The following DENND2A variants were observed in gnomAD, a reference collection of about 807,000 sequenced individuals.
DENND2A encodes the protein DENN domain-containing protein 2A.
A neutral mutation model predicts 105.3 loss-of-function variants in DENND2A; 53 were observed. That is an observed-to-expected ratio of 0.50 (90% confidence interval 0.40 to 0.63). The LOEUF is 0.63. Ranked by LOEUF, DENND2A falls within the 30% of genes least tolerant of loss-of-function variation. The probability of loss-of-function intolerance (pLI) is 0.00; values close to 1 mark genes in which losing one functional copy is unlikely to be tolerated. For synonymous variants in DENND2A, 522 were observed against 508.4 expected, an observed-to-expected ratio of 1.03 and a Z score of -0.36; for missense variants, 1,138 against 1,279.6, an observed-to-expected ratio of 0.89 and a Z score of 1.69.
Position 140,559,524 on chromosome 7 carries a change from G to A in DENND2A, c.1889+184C>T, listed in dbSNP as rs1191681810. Among the ~76,000 whole-genome samples the A allele has an allele frequency of 6.6e-6, 1 of 152,166 alleles. No individual in the cohort carries two copies. The highest frequency in any genetic ancestry group is 1.5e-5 in the Non-Finnish European group (1 of 68,030). On this transcript the variant is annotated intron_variant, in intron 10 of 19. Coordinates refer to ENST00000496613, the MANE Select transcript of DENND2A (RefSeq NM_015689.5). The surrounding 1 kb of genome is among the most constrained non-coding windows in gnomAD (Gnocchi z 4.1). ...ATTGAGTGGGAAGCCCGGGAGGTCT[G>A]CATGCTGGGCAGGTGACTTCACCTT...
In DENND2A at chr7:140,559,283, T is replaced by A. The variant is rs1003377408; in HGVS notation, c.1889+425A>T. ...CTTAAAGACAGGACCCGCAGCCTACTGAGTTTGGCCAAATGCGGAAACATC... is the reference window on the plus strand; with the variant it reads ...CTTAAAGACAGGACCCGCAGCCTACAGAGTTTGGCCAAATGCGGAAACATC... On this transcript the variant is annotated intron_variant, in intron 10 of 19. Transcript: ENST00000496613. This position sits in a 1 kb window ranked among gnomAD's most constrained non-coding sequence, Gnocchi z 4.1. 6.6e-6 allele frequency among the ~76,000 whole-genome samples: 1 copy of A among 152,206 alleles called. No individual in the cohort carries two copies. Among genetic ancestry groups the A allele is most frequent in the Non-Finnish European group, 1.5e-5 (1 of 68,034 alleles).
At chr7:140,567,042 G>A in intron 9 of DENND2A, 44 bp downstream of exon 9, 1 of 1,511,690 alleles carries the variant, frequency 6.6e-7, no homozygotes, top group Non-Finnish European at 8.9e-7. Context: ...ACAAGGTGAT[G>A]GTTAGAACCC....
At chr7:140,574,611 G>A (rs1476905023) in intron 5 of DENND2A, among the ~76,000 whole-genome samples, 1 of 152,210 alleles carries the variant, frequency 6.6e-6, no homozygotes. Flanking sequence ...ACATGGACTA[G>A]GGGTTACAAG....
intron 14 of DENND2A, among the ~76,000 whole-genome samples, chr7:140,543,317 A>G (rs933122762): frequency 2.3e-5 from 3 of 132,702 alleles, no homozygotes; most frequent in African/African-American, 8.6e-5. Flanking sequence ...CGTTTTTTGT[A>G]GAGATGGGGG....
intron 12 of DENND2A, 99 bp downstream of exon 12, chr7:140,555,537 T>C (rs1797324966): frequency 1.0e-6 from 1 of 981,050 alleles, no homozygotes; most frequent in Non-Finnish European, 1.6e-6. Context: ...AGGTAGAGAA[T>C]AAGATGATAG....
chr7:140,591,579 T>C (rs1244288277), intron 3 of DENND2A, among the ~76,000 whole-genome samples: 1 of 152,196 alleles, frequency 6.6e-6, no homozygotes, highest in African/African-American at 2.4e-5. Context: ...ATCATTGTCA[T>C]GTGTTGGTAA....
intron 3 of DENND2A, among the ~76,000 whole-genome samples, chr7:140,592,025 T>C (rs1299653470): frequency 1.1e-5 from 1 of 87,986 alleles, no homozygotes; most frequent in Admixed American, 1.4e-4. Context: ...TCCCCTCCCC[T>C]CCCCTTCTTT....
chr7:140,610,295 A>G (rs889148611), intron 1 of DENND2A, among the ~76,000 whole-genome samples: 4 of 151,562 alleles, frequency 2.6e-5, no homozygotes, highest in Admixed American at 6.6e-5. Context: ...TTAAGGAAAA[A>G]AAAAAAAAAA....
intron 3 of DENND2A, among the ~76,000 whole-genome samples, chr7:140,590,233 T>A (rs1798958640): frequency 6.6e-6 from 1 of 151,818 alleles, no homozygotes; most frequent in Non-Finnish European, 1.5e-5. Flanking sequence ...CTACTGAAAA[T>A]ACAAAAATTA....
chr7:140,626,921 C>A (rs1446923302), intron 1 of DENND2A, among the ~76,000 whole-genome samples: 1 of 152,162 alleles, frequency 6.6e-6, no homozygotes, highest in African/African-American at 2.4e-5. Context: ...ATCAGACAGA[C>A]CCAGGTTTAA....
intron 1 of DENND2A, among the ~76,000 whole-genome samples, chr7:140,639,368 AAAAC>A (rs1801090468): frequency 6.6e-6 from 1 of 150,592 alleles, no homozygotes; most frequent in East Asian, 2.0e-4. Context: ...ATAAAAATAA[AAAAC>A]AAACGAAAGG....
In DENND2A at chr7:140,522,119, G is replaced by A. The variant is rs1037583744; in HGVS notation, c.2666-19C>T. ...TCTGGACCTGAGTAAGGGGAGGAAAGGCCAGGAACGGTGAGGGCAGACAGG... is the reference window on the plus strand; with the variant it reads ...TCTGGACCTGAGTAAGGGGAGGAAAAGCCAGGAACGGTGAGGGCAGACAGG... On this transcript the variant is annotated intron_variant, in intron 17 of 19. Coordinates refer to ENST00000496613, the MANE Select transcript of DENND2A (RefSeq NM_015689.5). The A allele has an allele frequency of 1.9e-6, 3 of 1,613,160 alleles. No individual in the cohort carries two copies. The African/African-American group carries it at 4.0e-5, about 22-fold the overall frequency.
chr7:140,635,509 G>C (rs2130744930), intron 1 of DENND2A, among the ~76,000 whole-genome samples: 1 of 152,174 alleles, frequency 6.6e-6, no homozygotes, highest in East Asian at 1.9e-4. Flanking sequence ...CAAGGTTGCG[G>C]CTCCCTGTAC....
At chr7:140,551,653 T>G (rs1433101038) in intron 12 of DENND2A, among the ~76,000 whole-genome samples, 1 of 152,222 alleles carries the variant, frequency 6.6e-6, no homozygotes, top group Non-Finnish European at 1.5e-5. Flanking sequence ...GATTGAATCT[T>G]GAAGCCTCTG....
At chr7:140,598,269 TCTAGTC>T (rs139345636) in intron 3 of DENND2A, among the ~76,000 whole-genome samples, 1,581 of 152,260 alleles carry the variant, frequency 0.01, 22 homozygotes, top group African/African-American at 0.036. Flanking sequence ...AAATCTAATC[TCTAGTC>T]CTAATTTTTA....
rs372349078 is a variant in DENND2A, at chr7:140,531,873, C to T, written c.2328-4378G>A. The stretch of plus-strand genomic sequence containing the variant: ...CAACTATCTGTGTGTGTGGTGGGGG[C>T]GGGTGGGAAGGCATACCCTGGGTCT... On this transcript the variant is annotated intron_variant, in intron 14 of 19. Transcript: ENST00000496613. 2.6e-4 allele frequency among the ~76,000 whole-genome samples: 38 copies of T among 143,710 alleles called. 1 individual carries two copies. In the East Asian group the frequency reaches 2.8e-3, roughly 10 times the overall value. 94.3% of individuals were successfully genotyped at this position (143,710 alleles called of 152,430 possible).
intron 2 of DENND2A, among the ~76,000 whole-genome samples, chr7:140,603,593 C>G (rs978003885): frequency 6.6e-6 from 1 of 152,214 alleles, no homozygotes; most frequent in East Asian, 1.9e-4. Context: ...CCTGTTGTAG[C>G]CAAGTCTGCA....
chr7:140,526,627 T>G (rs2130465762), intron 15 of DENND2A, among the ~76,000 whole-genome samples: 1 of 152,290 alleles, frequency 6.6e-6, no homozygotes, highest in East Asian at 1.9e-4. Context: ...CTGGCTGCCC[T>G]CAAGCCTGCA....
intron 3 of DENND2A, among the ~76,000 whole-genome samples, chr7:140,589,039 G>A (rs1798905240): frequency 6.6e-6 from 1 of 152,040 alleles, no homozygotes; most frequent in Non-Finnish European, 1.5e-5. Flanking sequence ...CACTGTGCCC[G>A]GCCTCTTATA....
Sources: gnomAD v4.1 joint callset for allele counts (sites outside exome capture counted in the v4.1 genomes callset) on GRCh38, gnomAD v4.1.1 for gene constraint, Gnocchi (gnomAD v3.1) non-coding constraint, MANE v1.5 for transcripts, NCBI Gene and HGNC (gene_info 2026-07-23, HGNC 2026-07-21) for gene names.